The following ACACB variants were observed in gnomAD, a reference collection of about 807,000 sequenced individuals.
The protein encoded by ACACB is acetyl-CoA carboxylase 2.
In ACACB, 209 loss-of-function variants were observed where a neutral mutation model predicts 278.8. That is an observed-to-expected ratio of 0.75 (90% CI 0.67 to 0.84). The LOEUF (loss-of-function observed/expected upper bound fraction) is 0.84. ACACB is among the 40% of genes least tolerant of loss of function. The pLI is 0.00. For synonymous variants in ACACB, 1,174 were observed against 1,285.6 expected, an observed-to-expected ratio of 0.91 and a Z score of 1.86; for missense variants, 2,850 against 3,269.0, an observed-to-expected ratio of 0.87 and a Z score of 3.13.
At chr12:109,223,047 C>CA (rs1311321447) in intron 26 of ACACB, 135 bp downstream of exon 26, 1 of 735,502 alleles carries the variant, frequency 1.4e-6, no homozygotes, top group African/African-American at 1.7e-5. Context: ...GCAGACAGTT[C>CA]AGCCCAATGT....
At chr12:109,181,229 CTT>C (rs1219593155) in intron 11 of ACACB, among the ~76,000 whole-genome samples, 16 of 130,732 alleles carry the variant, frequency 1.2e-4, no homozygotes, top group East Asian at 2.2e-4. Flanking sequence ...TTTTTCTTTT[CTT>C]TTTTTTTTTT....
intron 1 of ACACB, among the ~76,000 whole-genome samples, chr12:109,119,326 C>T (rs776185108): frequency 6.6e-6 from 1 of 152,136 alleles, no homozygotes; most frequent in Non-Finnish European, 1.5e-5. Context: ...CACAGTGGCT[C>T]ACGCCTGTAA....
intron 1 of ACACB, among the ~76,000 whole-genome samples, chr12:109,122,423 G>A (rs1991848): frequency 0.034 from 5,201 of 151,674 alleles, 292 homozygotes; most frequent in East Asian, 0.25. Flanking sequence ...AATATAAAAA[G>A]TTTCGCTGGG....
chr12:109,256,961 T>C (rs73190609), intron 45 of ACACB, among the ~76,000 whole-genome samples: 10,263 of 152,292 alleles, frequency 0.067, 458 homozygotes, highest in Non-Finnish European at 0.1. Flanking sequence ...ATCATTTACA[T>C]CTTCGGCAAT....
At chr12:109,150,837 A>C (rs1328621847) in intron 2 of ACACB, among the ~76,000 whole-genome samples, 1 of 152,208 alleles carries the variant, frequency 6.6e-6, no homozygotes, top group Non-Finnish European at 1.5e-5. Context: ...GTGAAATGCC[A>C]AGGATCTTCC....
chr12:109,250,438 T>C (rs571616277), intron 41 of ACACB, among the ~76,000 whole-genome samples: 5 of 152,350 alleles, frequency 3.3e-5, no homozygotes, highest in African/African-American at 7.2e-5. Context: ...GCAATATCAT[T>C]GAAACCCAGT....
At chr12:109,175,878 G>A (rs1565889394) in intron 7 of ACACB, 53 bp from the exon 8 acceptor site, 1 of 1,519,358 alleles carries the variant, frequency 6.6e-7, no homozygotes, top group Non-Finnish European at 9.1e-7. Context: ...TTTCTGGGTT[G>A]TGTGTGTTTC....
chr12:109,122,287 C>T (rs1447284014), intron 1 of ACACB, among the ~76,000 whole-genome samples: 1 of 152,206 alleles, frequency 6.6e-6, no homozygotes, highest in Non-Finnish European at 1.5e-5. Flanking sequence ...CTACTGGTCT[C>T]ACAAGGTGGA....
chr12:109,256,563 A>C (rs2047229894), intron 45 of ACACB, among the ~76,000 whole-genome samples: 1 of 152,160 alleles, frequency 6.6e-6, no homozygotes. Flanking sequence ...ATCTTAGGAG[A>C]GCCATGGACA....
intron 34 of ACACB, 103 bp downstream of exon 34, chr12:109,237,483 G>A: frequency 8.2e-7 from 1 of 1,216,560 alleles, no homozygotes; most frequent in Non-Finnish European, 1.2e-6. Context: ...GGGATGGAGA[G>A]TACACCAACA....
At chr12:109,160,994 T>C (rs537860541) in intron 2 of ACACB, among the ~76,000 whole-genome samples, 42 of 152,276 alleles carry the variant, frequency 2.8e-4, no homozygotes, top group African/African-American at 9.6e-4. Context: ...TCTCAGACTT[T>C]CTGAAGCTGA....
chr12:109,178,899 G>A (rs958765115), intron 9 of ACACB, among the ~76,000 whole-genome samples, 189 bp from the exon 10 acceptor site: 9 of 152,168 alleles, frequency 5.9e-5, no homozygotes, highest in African/African-American at 1.4e-4. Flanking sequence ...CTTTCTCCTC[G>A]TTACTGTGGA....
intron 2 of ACACB, among the ~76,000 whole-genome samples, chr12:109,152,599 C>T (rs1047837199): frequency 4.0e-5 from 6 of 149,596 alleles, no homozygotes; most frequent in Admixed American, 1.3e-4. Context: ...TTGGCACCCC[C>T]GGGAAGTGTG....
intron 21 of ACACB, among the ~76,000 whole-genome samples, chr12:109,211,803 G>A (rs1482206543): frequency 6.6e-6 from 1 of 152,164 alleles, no homozygotes; most frequent in Non-Finnish European, 1.5e-5. Flanking sequence ...TGGTGTGTAA[G>A]TTATATCTGA....
At position 109,264,282 on chromosome 12, in the gene ACACB, A is replaced by G. The variant is rs1185041978; in HGVS notation, c.6838A>G (p.Lys2280Glu). 5 of 1,614,152 alleles carry G rather than the reference A, an allele frequency of 3.1e-6. No homozygotes were observed. Among genetic ancestry groups the G allele is most frequent in the Non-Finnish European group, 3.4e-6 (4 of 1,180,024 alleles). ...KDRKDLEGRL[K>E]AREDLLLPIY... ...CCGAAAGGACCTGGAGGGCCGGCTA[A>G]AGGCTCGCGAGGACCTGCTGCTCCC... Residue 2280 changes from lysine (K) to glutamate (E), a missense_variant, in exon 50 of 53, where the codon AAG (lysine) becomes GAG (glutamate). This residue lies in a region of ACACB where 579 missense variants were observed against 684.6 expected (regional missense o/e 0.85). Transcript: ENST00000338432.
intron 1 of ACACB, among the ~76,000 whole-genome samples, chr12:109,129,297 G>T (rs987596872): frequency 6.6e-6 from 1 of 152,174 alleles, no homozygotes; most frequent in African/African-American, 2.4e-5. Flanking sequence ...GGGTCTTAAA[G>T]TGTGGGCTTA....
chr12:109,116,607 T>G lies in ACACB; in HGVS notation c.-107T>G, dbSNP rs2042408359. ...TCCCCAGAGTAAGCAGCTAGCAGGC[T>G]TAGATTCAGGCCCTCAGCAAACAAG... On this transcript the variant is annotated 5_prime_UTR_variant, in exon 1 of 53. Transcript: ENST00000338432. The G allele has an allele frequency of 1.3e-5, 2 of 152,318 alleles. No individual in the cohort carries two copies. Among genetic ancestry groups the G allele is most frequent in the African/African-American group, 4.8e-5 (2 of 41,540 alleles). The allele number at this position is 152,318 out of a possible 1,614,324, so 9.4% of individuals were successfully genotyped here.
At chr12:109,183,238 T>C (rs2044541192) in intron 11 of ACACB, among the ~76,000 whole-genome samples, 1 of 152,242 alleles carries the variant, frequency 6.6e-6, no homozygotes, top group African/African-American at 2.4e-5. Context: ...TTTGTTCTTT[T>C]TTTTCAGGAT....
chr12:109,225,139 T>C (rs1193020029), intron 27 of ACACB, among the ~76,000 whole-genome samples: 1 of 152,176 alleles, frequency 6.6e-6, no homozygotes, highest in Non-Finnish European at 1.5e-5. Flanking sequence ...CTAATACACC[T>C]CTTCTGTAGT....
Sources: gnomAD v4.1 joint callset for allele counts (sites outside exome capture counted in the v4.1 genomes callset) on GRCh38, gnomAD v4.1.1 for gene constraint, gnomAD v4.1.1 regional missense constraint, MANE v1.5 for transcripts, NCBI Gene and HGNC (gene_info 2026-07-23, HGNC 2026-07-21) for gene names.